The following MORC1 variants were observed in gnomAD, a reference collection of about 807,000 sequenced individuals.
MORC1 encodes the protein MORC family CW-type zinc finger 1, also known as MORC family CW-type zinc finger protein 1.
MORC1 carries 59 observed loss-of-function variants against 134.9 expected under a neutral mutation model. The ratio of observed to expected loss-of-function variants is 0.44; its 90% confidence interval spans 0.35 to 0.54. MORC1 has a LOEUF of 0.54. Among genes scored for constraint, MORC1 ranks in the 20% least tolerant of loss-of-function variants. The probability of loss-of-function intolerance (pLI) is 0.00; values close to 1 mark genes in which losing one functional copy is unlikely to be tolerated. For missense variants in MORC1, 947 were observed against 1,134.5 expected, an observed-to-expected ratio of 0.83 and a Z score of 2.37; for synonymous variants, 395 against 391.7, an observed-to-expected ratio of 1.01 and a Z score of -0.10.
chr3:108,982,835 A>G (rs1276830156), intron 23 of MORC1, among the ~76,000 whole-genome samples: 1 of 151,950 alleles, frequency 6.6e-6, no homozygotes, highest in South Asian at 2.1e-4. Context: ...TTTCCAGTCA[A>G]TCCTCACCCA....
chr3:108,984,365 A>C (rs1947836937), intron 23 of MORC1, among the ~76,000 whole-genome samples: 1 of 152,190 alleles, frequency 6.6e-6, no homozygotes, highest in Non-Finnish European at 1.5e-5. Flanking sequence ...CAATAAGATA[A>C]TGAACCACAG....
chr3:109,086,347 T>C (rs993890223), intron 8 of MORC1, among the ~76,000 whole-genome samples: 40 of 152,042 alleles, frequency 2.6e-4, no homozygotes, highest in Admixed American at 2.6e-3. Context: ...CCTGAAAATA[T>C]GTATATCTAT....
In MORC1 at chr3:109,027,879, C is replaced by A; in HGVS notation, c.1576G>T (p.Val526Leu). The A allele has an allele frequency of 6.2e-7, 1 of 1,613,328 alleles. No individual in the cohort carries two copies. The highest frequency in any genetic ancestry group is 2.2e-5 in the East Asian group (1 of 44,830). Residue 526 changes from valine (V) to leucine (L), a missense_variant, in exon 17 of 28, where the codon GTA (valine) becomes TTA (leucine). Val to Leu is a conservative substitution (Grantham distance 32). This residue lies in a region of MORC1 where 722 missense variants were observed against 817.0 expected (regional missense o/e 0.88). Coordinates refer to ENST00000232603, the MANE Select transcript of MORC1 (RefSeq NM_014429.4). ...PNRLENSCHQVECLPSIPLGT... is the reference protein window; with the variant it reads ...PNRLENSCHQLECLPSIPLGT... The stretch of plus-strand genomic sequence containing the variant: ...AGTGGGATGGAAGGTAGACATTCTA[C>A]CTGATGACAACTTCAGAATCAACAA...
intron 17 of MORC1, among the ~76,000 whole-genome samples, chr3:109,009,703 C>A (rs2028999): frequency 1.3e-5 from 2 of 152,146 alleles, no homozygotes; most frequent in East Asian, 3.9e-4. Context: ...GTTTATACCT[C>A]TTGGTCAAAG....
intron 14 of MORC1, among the ~76,000 whole-genome samples, chr3:109,042,324 A>G (rs1451326025): frequency 6.6e-6 from 1 of 152,174 alleles, no homozygotes; most frequent in Non-Finnish European, 1.5e-5. Flanking sequence ...ACACGTATAT[A>G]TTTTTTAAAT....
intron 15 of MORC1, 52 bp from the exon 16 acceptor site, chr3:109,032,877 A>G: frequency 1.7e-6 from 2 of 1,178,256 alleles, no homozygotes; most frequent in South Asian, 1.3e-5. Flanking sequence ...TGAATCTATC[A>G]TAGTAAGATG....
At chr3:108,983,911 T>C (rs1269954989) in intron 23 of MORC1, among the ~76,000 whole-genome samples, 1 of 152,086 alleles carries the variant, frequency 6.6e-6, no homozygotes, top group African/African-American at 2.4e-5. Context: ...TAGAACCCTT[T>C]GGGAAGCAAA....
chr3:108,998,050 T>C (rs1378886500), intron 21 of MORC1, among the ~76,000 whole-genome samples: 1 of 152,170 alleles, frequency 6.6e-6, no homozygotes, highest in Admixed American at 6.5e-5. Flanking sequence ...TATAGTTGCA[T>C]TGGTAACATC....
At chr3:108,999,515 T>A (rs758663363) in intron 21 of MORC1, among the ~76,000 whole-genome samples, 86 of 152,216 alleles carry the variant, frequency 5.6e-4, no homozygotes, top group Non-Finnish European at 9.8e-4. Flanking sequence ...AATAACTTTC[T>A]GGTGAAGGAC....
chr3:109,008,862 G>C (rs965191336), intron 17 of MORC1, among the ~76,000 whole-genome samples: 1 of 151,932 alleles, frequency 6.6e-6, no homozygotes, highest in Admixed American at 6.6e-5. Flanking sequence ...GTTTACCTTA[G>C]TACTAAGAAG....
At chr3:109,107,068 C>G (rs1391247265) in intron 3 of MORC1, among the ~76,000 whole-genome samples, 1 of 152,200 alleles carries the variant, frequency 6.6e-6, no homozygotes, top group African/African-American at 2.4e-5. Context: ...ACATCTCAAA[C>G]ATTTTTTCTA....
intron 5 of MORC1, 135 bp from the exon 6 acceptor site, chr3:109,099,601 G>T: frequency 3.3e-6 from 2 of 611,956 alleles, no homozygotes; most frequent in African/African-American, 1.9e-5. Context: ...TCATCAAGAG[G>T]GTACAATTTT....
At position 109,026,950 on chromosome 3, in the gene MORC1, T is replaced by C. The variant is rs181427260; in HGVS notation, c.1704+801A>G. On this transcript the variant is annotated intron_variant, in intron 17 of 27. Transcript: ENST00000232603. ...CAGAACCCTAGCAAGCTAAGTGAGGTAAAAGAGTAATCTTCTATGAGCCCA... is the reference window on the plus strand; with the variant it reads ...CAGAACCCTAGCAAGCTAAGTGAGGCAAAAGAGTAATCTTCTATGAGCCCA... Among the ~76,000 whole-genome samples the C allele has an allele frequency of 2.6e-5, 4 of 152,296 alleles. No individual in the cohort carries two copies. The East Asian group carries it at 7.7e-4, about 29-fold the overall frequency.
At chr3:109,113,301 T>C (rs975116673) in intron 2 of MORC1, among the ~76,000 whole-genome samples, 1 of 152,342 alleles carries the variant, frequency 6.6e-6, no homozygotes, top group Admixed American at 6.5e-5. Context: ...TCTTTTTCTC[T>C]ACTTCCCTCC....
At chr3:109,077,336 A>G (rs1950442535) in intron 8 of MORC1, among the ~76,000 whole-genome samples, 1 of 152,162 alleles carries the variant, frequency 6.6e-6, no homozygotes, top group African/African-American at 2.4e-5. Context: ...CAAATCTTCT[A>G]ATTTAGTCTA....
At position 109,057,453 on chromosome 3, in the gene MORC1, G is replaced by A. The variant is rs1949986724; in HGVS notation, c.1065C>T (p.Phe355=). ...TTCGGTTTTCTACGTTCACTCCATAGAACAGGGAGAGCGTTCTTGCTGTTT... is the reference window on the plus strand; with the variant it reads ...TTCGGTTTTCTACGTTCACTCCATAAAACAGGGAGAGCGTTCTTGCTGTTT... ...ELKTARTLSL[F]YGVNVENRSQ... is the part of the protein sequence containing the mutation. The change falls in exon 13 of 28, where the codon TTC becomes TTT. Residue 355 remains phenylalanine (F), a synonymous_variant. Coordinates refer to ENST00000232603, the MANE Select transcript of MORC1 (RefSeq NM_014429.4). The A allele has an allele frequency of 2.5e-6, 4 of 1,606,482 alleles. No homozygotes were observed. The highest frequency in any genetic ancestry group is 3.4e-6 in the Non-Finnish European group (4 of 1,176,634).
At chr3:109,030,284 T>C (rs1020325967) in intron 16 of MORC1, among the ~76,000 whole-genome samples, 2 of 152,214 alleles carry the variant, frequency 1.3e-5, no homozygotes, top group Non-Finnish European at 2.9e-5. Context: ...CAATGGCACA[T>C]ATGTCAGGGG....
chr3:109,032,906 AAG>A, intron 15 of MORC1, 81 bp from the exon 16 acceptor site: 1 of 886,914 alleles, frequency 1.1e-6, no homozygotes, highest in Non-Finnish European at 1.8e-6. Context: ...CACATATCAA[AAG>A]TATGAGGTAT....
chr3:109,109,082 A>C (rs1336958298), intron 3 of MORC1, among the ~76,000 whole-genome samples: 6 of 152,104 alleles, frequency 3.9e-5, no homozygotes, highest in Non-Finnish European at 8.8e-5. Context: ...CTTTTTCACC[A>C]GACATCTGTG....
Sources: allele counts gnomAD v4.1 joint callset (sites outside exome capture counted in the v4.1 genomes callset), GRCh38; gene constraint gnomAD v4.1.1; regional missense constraint gnomAD v4.1.1; transcripts MANE v1.5; gene names NCBI Gene and HGNC (gene_info 2026-07-23, HGNC 2026-07-21).